Variants in ATP10B observed in about 807,000 individuals in gnomAD.
ATP10B encodes ATPase phospholipid transporting 10B (putative), also known as phospholipid-transporting ATPase VB.
Under a neutral mutation model 141.2 loss-of-function variants are expected in ATP10B, and 122 were observed. That is an observed-to-expected ratio of 0.86 (90% CI 0.75 to 1.00). ATP10B has a LOEUF of 1.00. ATP10B is among the 50% of genes least tolerant of loss of function. The pLI, the probability that ATP10B is intolerant of heterozygous loss-of-function variation, is 0.00. For synonymous variants in ATP10B, 685 were observed against 692.0 expected, an observed-to-expected ratio of 0.99 and a Z score of 0.16; for missense variants, 1,876 against 1,825.3, an observed-to-expected ratio of 1.03 and a Z score of -0.51.
chr5:160,815,394 C>G (rs984952862), intron 1 of ATP10B, among the ~76,000 whole-genome samples: 3 of 152,068 alleles, frequency 2.0e-5, no homozygotes, highest in South Asian at 2.1e-4. Flanking sequence ...GAAAAAGAAG[C>G]CCATTACATA....
rs540345430 is a variant in ATP10B at position 160,715,780 on chromosome 5, C to T, written c.-205+1129G>A. Among the ~76,000 whole-genome samples the T allele has an allele frequency of 9.4e-4, 142 of 151,578 alleles. 1 individual carries two copies. Among genetic ancestry groups the T allele is most frequent in the African/African-American group, 2.4e-3 (100 of 41,288 alleles). On this transcript the variant is annotated intron_variant, in intron 3 of 25. Coordinates refer to ENST00000327245, the MANE Select transcript of ATP10B (RefSeq NM_025153.3). ...AGGCTGGAGTGCAGTGGTGTGGTTT[C>T]GGCTCACTGCAACCTTTGCCTCCTA...
chr5:160,871,262 G>A, the ATP10B span, among the ~76,000 whole-genome samples: 3 of 152,002 alleles, frequency 2.0e-5, no homozygotes, highest in African/African-American at 7.3e-5. Flanking sequence ...ATATATAAGT[G>A]AAAAGAATGA....
intron 1 of ATP10B, among the ~76,000 whole-genome samples, chr5:160,834,540 C>T (rs749309796): frequency 3.3e-5 from 5 of 151,990 alleles, no homozygotes; most frequent in Non-Finnish European, 5.9e-5. Flanking sequence ...TTCAGGGCAA[C>T]ATTCTTTATG....
chr5:160,733,376 G>T (rs1766869436), intron 2 of ATP10B, among the ~76,000 whole-genome samples: 1 of 152,002 alleles, frequency 6.6e-6, no homozygotes, highest in South Asian at 2.1e-4. Context: ...GAAATGAAAG[G>T]AGTCTAAGAA....
intron 1 of ATP10B, among the ~76,000 whole-genome samples, chr5:160,822,864 G>A (rs1370451184): frequency 6.0e-5 from 9 of 151,094 alleles, no homozygotes; most frequent in African/African-American, 2.2e-4. Context: ...TAGAGACTGG[G>A]AAGGGTAGTA....
At chr5:160,684,465 C>T (rs1195743045) in intron 6 of ATP10B, among the ~76,000 whole-genome samples, 1 of 152,208 alleles carries the variant, frequency 6.6e-6, no homozygotes, top group Non-Finnish European at 1.5e-5. Flanking sequence ...TAACACAATA[C>T]TCCATTGCTC....
At chr5:160,800,150 T>C in intron 1 of ATP10B, among the ~76,000 whole-genome samples, 1 of 152,166 alleles carries the variant, frequency 6.6e-6, no homozygotes, top group East Asian at 1.9e-4. Context: ...TCATATACAT[T>C]ATTTTATATA....
At chr5:160,567,123 T>G (rs1007399320) in intron 25 of ATP10B, among the ~76,000 whole-genome samples, 2 of 152,148 alleles carry the variant, frequency 1.3e-5, no homozygotes, top group Non-Finnish European at 2.9e-5. Context: ...ATAAACCTTT[T>G]CCTCAAGCCA....
At chr5:160,614,478 C>T (rs968829447) in intron 17 of ATP10B, 2 of 152,180 alleles carry the variant, frequency 1.3e-5, no homozygotes, top group African/African-American at 4.8e-5. Flanking sequence ...GATCAGGAGC[C>T]TGAATGGGAT....
rs750140134 is a variant in ATP10B, at chr5:160,565,620, A to G, written c.4219T>C (p.Cys1407Arg). The G allele has an allele frequency of 1.2e-6, 2 of 1,614,018 alleles. No homozygotes were observed. The highest frequency in any genetic ancestry group is 1.1e-5 in the South Asian group (1 of 91,084). The stretch of plus-strand genomic sequence containing the variant: ...CCTGAGCATGAGTCATCCCTCATGC[A>G]CTCCGTGCCACATCTCTGTTCGTGG... ...VLHEQRCGTE[C>R]MRDDSCSGDS... The change falls in exon 26 of 26, where the codon TGC becomes CGC. Residue 1407 changes from cysteine to arginine, a missense_variant. By Grantham distance (180) the Cys-to-Arg change is radical (BLOSUM62 -3). Transcript: ENST00000327245.
the ATP10B span, among the ~76,000 whole-genome samples, chr5:160,871,897 C>G: frequency 3.6e-4 from 55 of 152,200 alleles, no homozygotes; most frequent in Middle Eastern, 3.4e-3. Context: ...TTATTTTCCT[C>G]TGTGTAGACA....
chr5:160,766,920 G>A (rs1769486900), intron 2 of ATP10B, among the ~76,000 whole-genome samples: 1 of 152,104 alleles, frequency 6.6e-6, no homozygotes, highest in South Asian at 2.1e-4. Flanking sequence ...TCATGGTCAA[G>A]GCAGCTGCAG....
At chr5:160,897,399 C>G in the ATP10B span, among the ~76,000 whole-genome samples, 1 of 152,116 alleles carries the variant, frequency 6.6e-6, no homozygotes, top group African/African-American at 2.4e-5. Flanking sequence ...ACACCAATAA[C>G]AGACAAACAG....
intron 2 of ATP10B, among the ~76,000 whole-genome samples, chr5:160,781,494 T>C (rs146501656): frequency 2.6e-5 from 4 of 152,072 alleles, no homozygotes; most frequent in African/African-American, 7.2e-5. Flanking sequence ...GTTAGGGAAA[T>C]TGAAAACCAC....
chr5:160,769,474 C>T (rs1349356351), intron 2 of ATP10B, among the ~76,000 whole-genome samples: 2 of 152,298 alleles, frequency 1.3e-5, no homozygotes, highest in East Asian at 3.9e-4. Flanking sequence ...ATAGGCTGGG[C>T]GCCTTTACAG....
intron 1 of ATP10B, among the ~76,000 whole-genome samples, chr5:160,845,465 C>T (rs1776065156): frequency 6.6e-6 from 1 of 152,120 alleles, no homozygotes. Flanking sequence ...TTCTCGAAAG[C>T]TGGTAGCATT....
At chr5:160,920,967 TAATA>T in the ATP10B span, among the ~76,000 whole-genome samples, 3 of 152,174 alleles carry the variant, frequency 2.0e-5, no homozygotes, top group African/African-American at 4.8e-5. Context: ...TTTAAAGGTT[TAATA>T]AATTATTATT....
In ATP10B at chr5:160,569,650, A is replaced by T; in HGVS notation, c.3784T>A (p.Phe1262Ile). 6.2e-7 allele frequency: 1 copy of T among 1,601,790 alleles called. No individual in the cohort carries two copies. ...IFHGVVLLGS[F>I]LMYFLVSLLY... ...AGGGATACCAGAAAGTACATCAGGA[A>T]GCTGCCGAGGAGCACGACTCCGTGG... Residue 1262 changes from phenylalanine (F) to isoleucine (I), a missense_variant, in exon 25 of 26, where the codon TTC becomes ATC. Physicochemically the swap from Phe to Ile is conservative, Grantham distance 21. Transcript: ENST00000327245.
intron 2 of ATP10B, among the ~76,000 whole-genome samples, chr5:160,736,676 C>T (rs1237715794): frequency 6.6e-6 from 1 of 152,164 alleles, no homozygotes; most frequent in Non-Finnish European, 1.5e-5. Context: ...AGAAGAATCG[C>T]TTGAACCTGG....
Sources: allele counts gnomAD v4.1 joint callset (sites outside exome capture counted in the v4.1 genomes callset), GRCh38; gene constraint gnomAD v4.1.1; transcripts MANE v1.5; gene names NCBI Gene and HGNC (gene_info 2026-07-23, HGNC 2026-07-21).